SPTLC3: variants seen among roughly 807,000 people sequenced by gnomAD.
The protein encoded by SPTLC3 is serine palmitoyltransferase 3.
In SPTLC3, 36 loss-of-function variants were observed where a neutral mutation model predicts 59.3. The observed-to-expected ratio is 0.61, with a 90% CI of 0.47 to 0.80. SPTLC3 has a LOEUF of 0.80. Ranked by LOEUF, SPTLC3 falls within the 30% of genes least tolerant of loss-of-function variation. SPTLC3 has a pLI of 0.00. For synonymous variants in SPTLC3, 257 were observed against 240.8 expected, an observed-to-expected ratio of 1.07 and a Z score of -0.62; for missense variants, 625 against 685.1, an observed-to-expected ratio of 0.91 and a Z score of 0.98.
rs936466962 is a variant in SPTLC3, at chr20:13,167,343, G to A, written c.*2476G>A. The A allele has an allele frequency of 6.9e-6, 1 of 145,628 alleles. No individual in the cohort carries two copies. The highest frequency in any genetic ancestry group is 6.7e-5 in the Admixed American group (1 of 15,002). 9.0% of individuals were successfully genotyped at this position (145,628 alleles called of 1,614,324 possible). ...CCATTACCCTCTACATCACCGCCCC[G>A]ACCTTAGCTCTAATTATATCAGAGC... is the stretch of plus-strand genomic sequence containing the variant. On this transcript the variant is annotated 3_prime_UTR_variant, in exon 12 of 12. Coordinates refer to ENST00000399002, the MANE Select transcript of SPTLC3 (RefSeq NM_018327.4).
chr20:13,015,110 C>T (rs1429108056), intron 1 of SPTLC3, among the ~76,000 whole-genome samples: 1 of 152,066 alleles, frequency 6.6e-6, no homozygotes, highest in East Asian at 1.9e-4. Context: ...ATGAATTAGC[C>T]CTGATCTAAT....
At chr20:13,148,953 C>T (rs78051275) in intron 9 of SPTLC3, among the ~76,000 whole-genome samples, 2,793 of 152,296 alleles carry the variant, frequency 0.018, 54 homozygotes, top group South Asian at 0.03. Flanking sequence ...TGATTTCTCC[C>T]AATTTTCCTG....
intron 1 of SPTLC3, among the ~76,000 whole-genome samples, chr20:13,026,495 A>G (rs1600212958): frequency 6.6e-6 from 1 of 152,020 alleles, no homozygotes; most frequent in African/African-American, 2.4e-5. Context: ...AGGTTTTTTC[A>G]TATGCTTTTT....
chr20:13,086,508 C>T, intron 4 of SPTLC3, among the ~76,000 whole-genome samples: 1 of 152,092 alleles, frequency 6.6e-6, no homozygotes, highest in East Asian at 1.9e-4. Context: ...CTATGAACAC[C>T]AAACAGAGAA....
At chr20:13,119,722 G>A (rs927903640) in intron 8 of SPTLC3, among the ~76,000 whole-genome samples, 1 of 152,184 alleles carries the variant, frequency 6.6e-6, no homozygotes. Context: ...GAATTAGAGC[G>A]TGTCTGGCAG....
chr20:13,031,223 C>G (rs1181000734), intron 1 of SPTLC3, among the ~76,000 whole-genome samples: 2 of 152,142 alleles, frequency 1.3e-5, no homozygotes. Context: ...AATGTCCTGT[C>G]CAGTAAGGTA....
At chr20:13,022,977 T>C (rs769778665) in intron 1 of SPTLC3, among the ~76,000 whole-genome samples, 2 of 152,174 alleles carry the variant, frequency 1.3e-5, no homozygotes, top group Non-Finnish European at 2.9e-5. Context: ...GAGCTCACTC[T>C]AACCCCAGAT....
intron 7 of SPTLC3, among the ~76,000 whole-genome samples, chr20:13,112,094 A>G (rs1329377006): frequency 6.6e-6 from 1 of 152,226 alleles, no homozygotes; most frequent in Non-Finnish European, 1.5e-5. Context: ...CACCCAAAGC[A>G]TAATGGCTTA....
intron 1 of SPTLC3, among the ~76,000 whole-genome samples, chr20:13,030,857 T>G (rs1450794465): frequency 6.6e-6 from 1 of 152,148 alleles, no homozygotes; most frequent in Non-Finnish European, 1.5e-5. Flanking sequence ...TTCATTTTCT[T>G]TGGGGAGGAC....
intron 3 of SPTLC3, among the ~76,000 whole-genome samples, chr20:13,072,891 CTT>C (rs1294505971): frequency 3.9e-5 from 6 of 152,192 alleles, no homozygotes; most frequent in African/African-American, 1.4e-4. Flanking sequence ...ATGGGTTTAC[CTT>C]TCTCTTAGGG....
intron 5 of SPTLC3, among the ~76,000 whole-genome samples, chr20:13,092,804 G>A (rs945850935): frequency 3.3e-5 from 5 of 151,998 alleles, no homozygotes; most frequent in Non-Finnish European, 5.9e-5. Flanking sequence ...AAAGACAAAG[G>A]TCCACCATAA....
intron 7 of SPTLC3, among the ~76,000 whole-genome samples, chr20:13,110,979 C>A (rs183280072): frequency 1.3e-5 from 2 of 151,878 alleles, no homozygotes; most frequent in Admixed American, 6.6e-5. Flanking sequence ...TCTTTCAGCC[C>A]GCTAATCTCA....
intron 8 of SPTLC3, among the ~76,000 whole-genome samples, chr20:13,118,463 A>AC (rs1682469167): frequency 6.6e-6 from 1 of 151,726 alleles, no homozygotes. Context: ...AAAAAAACAA[A>AC]AAAAAACAAT....
rs1466526997 is a variant in SPTLC3 at position 13,066,578 on chromosome 20, T to G, written c.304-5678T>G. Among the ~76,000 whole-genome samples, 3 of 152,336 alleles carry G rather than the reference T, an allele frequency of 2.0e-5. No individual in the cohort carries two copies. In the East Asian group the frequency reaches 5.8e-4, roughly 29 times the overall value. On this transcript the variant is annotated intron_variant, in intron 2 of 11. Transcript: ENST00000399002. Reference sequence around the variant, plus strand: ...TACTGAAAAATGTGTGTATTTGTTTTTATTTGGTTGCTGACTTGGAAGAGT... The same window carrying G: ...TACTGAAAAATGTGTGTATTTGTTTGTATTTGGTTGCTGACTTGGAAGAGT...
At chr20:13,013,725 G>A (rs1309411396) in intron 1 of SPTLC3, among the ~76,000 whole-genome samples, 3 of 152,210 alleles carry the variant, frequency 2.0e-5, no homozygotes, top group African/African-American at 7.2e-5. Flanking sequence ...AAATGAGAAA[G>A]ACAAGCAATT....
intron 2 of SPTLC3, chr20:13,050,569 C>T (rs1002800490): frequency 1.7e-4 from 26 of 152,140 alleles, no homozygotes; most frequent in African/African-American, 6.0e-4. Flanking sequence ...CATCCAAATA[C>T]AAGAAGCACA....
At chr20:13,028,155 A>G (rs1460369295) in intron 1 of SPTLC3, among the ~76,000 whole-genome samples, 1 of 152,178 alleles carries the variant, frequency 6.6e-6, no homozygotes, top group Non-Finnish European at 1.5e-5. Context: ...AATTAGTCCT[A>G]AGGAAACTTG....
intron 2 of SPTLC3, among the ~76,000 whole-genome samples, chr20:13,065,929 A>G (rs1988187615): frequency 1.3e-5 from 2 of 152,206 alleles, no homozygotes; most frequent in South Asian, 4.1e-4. Context: ...TGGTGAGAAC[A>G]TTTAGGATCT....
Position 13,091,098 on chromosome 20 carries a change from A to C in SPTLC3, c.623A>C (p.His208Pro). 1 of 1,613,986 alleles carries C rather than the reference A, an allele frequency of 6.2e-7. No individual in the cohort carries two copies. The highest frequency in any genetic ancestry group is 8.5e-7 in the Non-Finnish European group (1 of 1,179,862). ...TTATGTGCAGGCACCTTGGATAAGC[A>C]CAAGGAGTTGGAGGACCTTGTGGCT... ...TRHEMGTLDK[H>P]KELEDLVAKF... is the part of the protein sequence containing the mutation. Residue 208 changes from histidine (H) to proline (P), a missense_variant, in exon 5 of 12, where the codon CAC (histidine) becomes CCC (proline). Coordinates refer to ENST00000399002, the MANE Select transcript of SPTLC3 (RefSeq NM_018327.4).
Sources: gnomAD v4.1 joint callset for allele counts (sites outside exome capture counted in the v4.1 genomes callset) on GRCh38, gnomAD v4.1.1 for gene constraint, MANE v1.5 for transcripts, NCBI Gene and HGNC (gene_info 2026-07-23, HGNC 2026-07-21) for gene names.